PTPRD: variants seen among roughly 807,000 people sequenced by gnomAD.
The protein encoded by PTPRD is receptor-type tyrosine-protein phosphatase delta.
In PTPRD, 34 loss-of-function variants were observed where a neutral mutation model predicts 214.5. The observed-to-expected ratio is 0.16, with a 90% CI of 0.12 to 0.21. PTPRD has a LOEUF of 0.21. Among genes scored for constraint, PTPRD ranks in the 10% least tolerant of loss-of-function variants. The pLI is 1.00. For synonymous variants in PTPRD, 1,128 were observed against 845.7 expected (o/e 1.33, Z -5.79); for missense variants, 2,545 against 2,398.7 (o/e 1.06, Z -1.27).
At chr9:10,081,827 T>C (rs2098243194) in intron 3 of PTPRD, among the ~76,000 whole-genome samples, 1 of 152,104 alleles carries the variant, frequency 6.6e-6, no homozygotes, top group Non-Finnish European at 1.5e-5. Flanking sequence ...AATTTTTTCT[T>C]AGTCATGAAA....
chr9:10,182,899 A>G (rs1305868974), intron 3 of PTPRD, among the ~76,000 whole-genome samples: 1 of 152,164 alleles, frequency 6.6e-6, no homozygotes, highest in Non-Finnish European at 1.5e-5. Flanking sequence ...CAGCAGTTAA[A>G]TGACACCATG....
At chr9:8,321,204 T>G (rs953538796) in intron 44 of PTPRD, among the ~76,000 whole-genome samples, 1 of 152,088 alleles carries the variant, frequency 6.6e-6, no homozygotes, top group Admixed American at 6.6e-5. Flanking sequence ...CTGAGATTTA[T>G]TATCTTTTTG....
intron 14 of PTPRD, among the ~76,000 whole-genome samples, chr9:8,611,970 A>AGGGGAGGGGAGGGGAGGGGAGGGTT (rs1301955332): frequency 2.1e-5 from 2 of 94,740 alleles, no homozygotes; most frequent in Non-Finnish European, 4.2e-5. Context: ...AAAACAAAAG[A>AGGGGAGGGGAGGGGAGGGGAGGGTT]GGGGAGGGGA....
chr9:10,539,565 A>G (rs541795361), intron 2 of PTPRD, among the ~76,000 whole-genome samples: 1 of 146,720 alleles, frequency 6.8e-6, no homozygotes, highest in East Asian at 1.9e-4. Flanking sequence ...CAGTCCTTTC[A>G]CCCTTCTGCC....
At chr9:9,666,896 A>T (rs980458089) in intron 7 of PTPRD, among the ~76,000 whole-genome samples, 1 of 151,956 alleles carries the variant, frequency 6.6e-6, no homozygotes, top group Non-Finnish European at 1.5e-5. Context: ...TTTTATGGAT[A>T]CATTGTTGTA....
intron 11 of PTPRD, among the ~76,000 whole-genome samples, chr9:8,963,539 C>G (rs1190595907): frequency 6.6e-6 from 1 of 152,042 alleles, no homozygotes; most frequent in African/African-American, 2.4e-5. Flanking sequence ...TTTTTTAATT[C>G]TGTTTATGTG....
intron 12 of PTPRD, among the ~76,000 whole-genome samples, chr9:8,688,580 G>GA (rs939082987): frequency 2.1e-5 from 3 of 144,024 alleles, no homozygotes; most frequent in Admixed American, 6.9e-5. Flanking sequence ...AAAAAAAAAA[G>GA]AAAAAAATAT....
chr9:10,344,913 G>C (rs1319431601), intron 2 of PTPRD, among the ~76,000 whole-genome samples: 1 of 151,998 alleles, frequency 6.6e-6, no homozygotes, highest in Non-Finnish European at 1.5e-5. Flanking sequence ...TGCTTTCTCT[G>C]TTGTCTCATA....
At chr9:9,185,112 G>A (rs1262621746) in intron 9 of PTPRD, among the ~76,000 whole-genome samples, 1 of 151,942 alleles carries the variant, frequency 6.6e-6, no homozygotes, top group East Asian at 1.9e-4. Context: ...CTGTAGTCGT[G>A]GTGATTTGGA....
intron 11 of PTPRD, among the ~76,000 whole-genome samples, chr9:8,984,836 T>C (rs1240338624): frequency 6.6e-6 from 1 of 152,150 alleles, no homozygotes; most frequent in Non-Finnish European, 1.5e-5. Context: ...GTGGGAATCA[T>C]ATATTACATA....
At chr9:8,887,516 T>G (rs1288059698) in intron 11 of PTPRD, among the ~76,000 whole-genome samples, 1 of 152,210 alleles carries the variant, frequency 6.6e-6, no homozygotes, top group Admixed American at 6.5e-5. Context: ...AAATCTGAAC[T>G]TCTTACTTAC....
chr9:9,543,671 C>G (rs2078110591), intron 8 of PTPRD, among the ~76,000 whole-genome samples: 1 of 151,422 alleles, frequency 6.6e-6, no homozygotes. Flanking sequence ...GGATCAAGGC[C>G]ATCAACCTTG....
intron 11 of PTPRD, among the ~76,000 whole-genome samples, chr9:8,993,930 T>C (rs1213478195): frequency 6.6e-6 from 1 of 152,098 alleles, no homozygotes; most frequent in Non-Finnish European, 1.5e-5. Context: ...ATAAATGTAA[T>C]ATTTGATAAG....
chr9:9,929,467 C>A (rs1014604375), intron 5 of PTPRD, among the ~76,000 whole-genome samples: 1 of 152,202 alleles, frequency 6.6e-6, no homozygotes, highest in Non-Finnish European at 1.5e-5. Context: ...GATCTTGTCT[C>A]ACTGCAACCT....
chr9:8,676,844 G>C (rs1175307754), intron 12 of PTPRD, among the ~76,000 whole-genome samples: 2 of 152,314 alleles, frequency 1.3e-5, no homozygotes, highest in Middle Eastern at 3.4e-3. Flanking sequence ...AAAGGGCTGG[G>C]ACTGCAGGCG....
chr9:10,369,362 C>G (rs148496053), intron 2 of PTPRD, among the ~76,000 whole-genome samples: 1 of 151,988 alleles, frequency 6.6e-6, no homozygotes, highest in South Asian at 2.1e-4. Context: ...ATTCTCATAG[C>G]CAGGCATCTA....
At chr9:9,175,739 C>T (rs76966603) in intron 10 of PTPRD, among the ~76,000 whole-genome samples, 2 of 150,378 alleles carry the variant, frequency 1.3e-5, no homozygotes, top group African/African-American at 2.4e-5. Context: ...GATTGTATTA[C>T]TCCATATTTC....
chr9:9,596,786 A>G (rs1371477441), intron 7 of PTPRD, among the ~76,000 whole-genome samples: 1 of 152,044 alleles, frequency 6.6e-6, no homozygotes, highest in East Asian at 1.9e-4. Context: ...AGTTAATTCT[A>G]AACATTTGCA....
At chr9:9,526,068 G>A (rs2074055792) in intron 8 of PTPRD, among the ~76,000 whole-genome samples, 1 of 151,826 alleles carries the variant, frequency 6.6e-6, no homozygotes, top group Non-Finnish European at 1.5e-5. Context: ...GTTTAGATTT[G>A]CCTGGTTTTG....
Sources: gnomAD v4.1 joint callset for allele counts (sites outside exome capture counted in the v4.1 genomes callset) on GRCh38, gnomAD v4.1.1 for gene constraint, MANE v1.5 for transcripts, NCBI Gene and HGNC (gene_info 2026-07-23, HGNC 2026-07-21) for gene names.